CSNK1G3: variants seen among roughly 807,000 people sequenced by gnomAD.
The protein encoded by CSNK1G3 is casein kinase 1 gamma 3.
In CSNK1G3, 23 loss-of-function variants were observed where a neutral mutation model predicts 64.3. That is an observed-to-expected ratio of 0.36 (90% CI 0.26 to 0.51). CSNK1G3 has a LOEUF of 0.51. Ranked by LOEUF, CSNK1G3 falls within the 20% of genes least tolerant of loss-of-function variation. The pLI is 0.96. For synonymous variants in CSNK1G3, 158 were observed against 162.2 expected, an observed-to-expected ratio of 0.97 and a Z score of 0.20; for missense variants, 357 against 510.5, an observed-to-expected ratio of 0.70 and a Z score of 2.90.
intron 1 of CSNK1G3, among the ~76,000 whole-genome samples, chr5:123,524,586 G>C (rs527760529): frequency 6.6e-6 from 1 of 151,858 alleles, no homozygotes; most frequent in African/African-American, 2.4e-5. Flanking sequence ...TTTTGCCTCC[G>C]GTTCCTATTC....
chr5:123,525,020 T>C (rs1048163595), intron 1 of CSNK1G3, among the ~76,000 whole-genome samples: 1 of 152,204 alleles, frequency 6.6e-6, no homozygotes, highest in African/African-American at 2.4e-5. Flanking sequence ...ATTTAAAACT[T>C]AACACAGTTA....
intron 10 of CSNK1G3, among the ~76,000 whole-genome samples, chr5:123,598,856 G>A (rs952344041): frequency 5.3e-5 from 8 of 152,162 alleles, no homozygotes; most frequent in Admixed American, 4.6e-4. Context: ...GAGGGATACA[G>A]CTGTCAAAAG....
chr5:123,541,294 A>G (rs1361419986), intron 1 of CSNK1G3, among the ~76,000 whole-genome samples: 1 of 152,094 alleles, frequency 6.6e-6, no homozygotes, highest in East Asian at 1.9e-4. Context: ...ACCTCTGTAA[A>G]TTTGTAGATA....
intron 1 of CSNK1G3, among the ~76,000 whole-genome samples, chr5:123,544,540 T>C (rs975848710): frequency 2.6e-5 from 4 of 152,246 alleles, no homozygotes. Context: ...AATTTATAAC[T>C]TCTTTAATAG....
At chr5:123,590,815 A>G (rs1792195781) in intron 9 of CSNK1G3, among the ~76,000 whole-genome samples, 1 of 152,030 alleles carries the variant, frequency 6.6e-6, no homozygotes, top group Non-Finnish European at 1.5e-5. Context: ...TTAATGTCAA[A>G]TATACTCTTT....
At chr5:123,570,601 C>T (rs907820725) in intron 4 of CSNK1G3, among the ~76,000 whole-genome samples, 1 of 152,126 alleles carries the variant, frequency 6.6e-6, no homozygotes, top group Non-Finnish European at 1.5e-5. Flanking sequence ...AGTGACCCAC[C>T]GGCCTCAGCC....
intron 10 of CSNK1G3, 78 bp downstream of exon 11, chr5:123,595,212 A>AG: frequency 8.1e-7 from 1 of 1,241,852 alleles, no homozygotes; most frequent in Non-Finnish European, 1.2e-6. Context: ...TCATGGCATG[A>AG]TTTCATATCT....
chr5:123,561,725 A>AT (rs1785763922), intron 4 of CSNK1G3, among the ~76,000 whole-genome samples: 2 of 152,290 alleles, frequency 1.3e-5, no homozygotes, highest in Middle Eastern at 3.4e-3. Context: ...AGAAATTCAT[A>AT]TAGCTGGAAT....
chr5:123,560,983 T>C (rs1375707527), intron 4 of CSNK1G3, among the ~76,000 whole-genome samples: 1 of 152,158 alleles, frequency 6.6e-6, no homozygotes, highest in African/African-American at 2.4e-5. Flanking sequence ...TCTATGTGTA[T>C]TTTACCACAA....
At chr5:123,571,847 G>A (rs910368994) in intron 4 of CSNK1G3, among the ~76,000 whole-genome samples, 2 of 152,170 alleles carry the variant, frequency 1.3e-5, no homozygotes, top group African/African-American at 2.4e-5. Context: ...GATAAATGCA[G>A]TGTTAAGTGT....
At chr5:123,524,758 A>G (rs1404045340) in intron 1 of CSNK1G3, among the ~76,000 whole-genome samples, 1 of 152,182 alleles carries the variant, frequency 6.6e-6, no homozygotes, top group African/African-American at 2.4e-5. Context: ...TTTTAGTATT[A>G]TAGTTTTCTG....
intron 6 of CSNK1G3, among the ~76,000 whole-genome samples, chr5:123,581,192 G>A (rs943881457): frequency 6.6e-6 from 1 of 151,216 alleles, no homozygotes. Flanking sequence ...AACATAATTG[G>A]TATTTTCTTG....
intron 10 of CSNK1G3, among the ~76,000 whole-genome samples, chr5:123,597,016 G>A (rs772844239): frequency 1.5e-5 from 2 of 135,338 alleles, no homozygotes; most frequent in African/African-American, 2.9e-5. Flanking sequence ...AAATTAAAAC[G>A]TAATAAGAGC....
intron 1 of CSNK1G3, among the ~76,000 whole-genome samples, chr5:123,531,789 T>G (rs1779978255): frequency 6.6e-6 from 1 of 151,902 alleles, no homozygotes; most frequent in South Asian, 2.1e-4. Flanking sequence ...TAGTAGTAGA[T>G]GGATTAAGGT....
chr5:123,556,332 C>T (rs1784615689), intron 3 of CSNK1G3, among the ~76,000 whole-genome samples: 1 of 152,058 alleles, frequency 6.6e-6, no homozygotes, highest in East Asian at 1.9e-4. Context: ...CTCATCAATT[C>T]TGGAATATTC....
intron 1 of CSNK1G3, among the ~76,000 whole-genome samples, chr5:123,541,701 G>C (rs1020298993): frequency 2.6e-5 from 4 of 152,124 alleles, no homozygotes; most frequent in African/African-American, 9.7e-5. Context: ...CAAAGTGCTG[G>C]GATTACAGTT....
intron 4 of CSNK1G3, among the ~76,000 whole-genome samples, chr5:123,558,052 T>C (rs149608667): frequency 2.8e-4 from 42 of 152,048 alleles, no homozygotes; most frequent in Non-Finnish European, 5.0e-4. Flanking sequence ...AGAAAAGGAG[T>C]AGGCATTGTG....
intron 2 of CSNK1G3, among the ~76,000 whole-genome samples, chr5:123,552,264 G>A (rs983602161): frequency 2.0e-5 from 3 of 151,784 alleles, no homozygotes; most frequent in African/African-American, 4.8e-5. Flanking sequence ...TCCTGCCTCA[G>A]CCTCCTGAGT....
chr5:123,556,371 C>A lies in CSNK1G3; in HGVS notation c.220-1124C>A, dbSNP rs936346897. ...GCAATAATTTATCCAGTTATTGCATCTGCTCACTTTTCTGTCTCCTTTCCT... is the reference window on the plus strand; with the variant it reads ...GCAATAATTTATCCAGTTATTGCATATGCTCACTTTTCTGTCTCCTTTCCT... On this transcript the variant is annotated intron_variant, in intron 3 of 12. Transcript: ENST00000345990. 2.0e-5 allele frequency among the ~76,000 whole-genome samples: 3 copies of A among 152,050 alleles called. No homozygotes were observed. The South Asian group carries it at 6.2e-4, about 32-fold the overall frequency.
Sources: gnomAD v4.1 joint callset for allele counts (sites outside exome capture counted in the v4.1 genomes callset) on GRCh38, gnomAD v4.1.1 for gene constraint, MANE v1.5 for transcripts, NCBI Gene and HGNC (gene_info 2026-07-23, HGNC 2026-07-21) for gene names.